Variants in GRSF1 observed in about 807,000 individuals in gnomAD.
GRSF1 encodes G-rich sequence factor 1.
A neutral mutation model predicts 51.1 loss-of-function variants in GRSF1; 50 were observed. That is an observed-to-expected ratio of 0.98 (90% CI 0.78 to 1.24). GRSF1 has a LOEUF of 1.24. Among genes scored for constraint, GRSF1 ranks in the 50% most tolerant of loss-of-function variants. The pLI, the probability that GRSF1 is intolerant of heterozygous loss-of-function variation, is 0.00. For synonymous variants in GRSF1, 293 were observed against 253.3 expected (o/e 1.16, Z -1.49); for missense variants, 700 against 639.7 (o/e 1.09, Z -1.02).
chr4:70,820,973 G>A (rs1451131086), intron 9 of GRSF1, 112 bp from the exon 10 acceptor site: 4 of 152,230 alleles, frequency 2.6e-5, no homozygotes, highest in Non-Finnish European at 4.4e-5. Flanking sequence ...CTAATTTAGT[G>A]CAAGCTATCT....
At chr4:70,835,158 T>C (rs969574437) in intron 2 of GRSF1, among the ~76,000 whole-genome samples, 14 of 151,210 alleles carry the variant, frequency 9.3e-5, no homozygotes, top group African/African-American at 3.4e-4. Flanking sequence ...TATTCCATCA[T>C]ACCAGCCGGG....
rs184157042 is a variant in GRSF1 at position 70,831,378 on chromosome 4, C to T, written c.950+161G>A. Among the ~76,000 whole-genome samples, 62 of 151,598 alleles carry T rather than the reference C, an allele frequency of 4.1e-4. 1 individual carries two copies. The highest frequency in any genetic ancestry group is 2.7e-3 in the Admixed American group (41 of 15,176). On this transcript the variant is annotated intron_variant, in intron 5 of 9. Transcript: ENST00000254799. ...CTCAAAAAAAAAAAAAAGGAGCAGTCGAAAAAAAATTGTTAATCTAAATTA... is the reference window on the plus strand; with the variant it reads ...CTCAAAAAAAAAAAAAAGGAGCAGTTGAAAAAAAATTGTTAATCTAAATTA...
intron 6 of GRSF1, 82 bp from the exon 7 acceptor site, chr4:70,826,327 T>A: frequency 8.4e-7 from 1 of 1,187,754 alleles, no homozygotes; most frequent in African/African-American, 1.5e-5. Flanking sequence ...ATGACTTTTA[T>A]GTCCAAATCC....
rs58887177 is a variant in GRSF1 at position 70,823,481 on chromosome 4, C to CT, written c.*25+812dup. On this transcript the variant is annotated intron_variant, in intron 9 of 9. Coordinates refer to ENST00000254799, the MANE Select transcript of GRSF1 (RefSeq NM_002092.4). Reference sequence around the variant, plus strand: ...TAATTCTATTTCCCAGCAGAATTTTCTTTTTTTTTTTTTGCCCCCCACATC... The same window carrying CT: ...TAATTCTATTTCCCAGCAGAATTTTCTTTTTTTTTTTTTTGCCCCCCACATC... Among the ~76,000 whole-genome samples the CT allele has an allele frequency of 2.3e-3, 310 of 135,996 alleles. 1 individual carries two copies. Among genetic ancestry groups the CT allele is most frequent in the African/African-American group, 7.6e-3 (291 of 38,160 alleles). 89.2% of individuals were successfully genotyped at this position (135,996 alleles called of 152,430 possible).
chr4:70,834,902 C>A (rs994554151), intron 2 of GRSF1, among the ~76,000 whole-genome samples: 1 of 152,100 alleles, frequency 6.6e-6, no homozygotes, highest in East Asian at 2.0e-4. Flanking sequence ...GGATTACAGG[C>A]GTGAGCCACC....
In GRSF1 at chr4:70,839,485, G is replaced by C. The variant is rs1734371362; in HGVS notation, c.343C>G (p.Arg115Gly). 1 of 1,431,582 alleles carries C rather than the reference G, an allele frequency of 7.0e-7. No homozygotes were observed. The allele number at this position is 1,431,582 out of a possible 1,614,324, so 88.7% of individuals were successfully genotyped here. A position where few individuals can be genotyped will look rare whatever the true frequency, so the allele number is the denominator to read the frequency against. The part of the protein sequence containing the change: ...SLAAAAAVPT[R>G]SYSQESKTTY... ...CGCCCACGTACCTGGCTGTAGCTGC[G>C]CGTCGGGACGGCGGCCGCCGCCGCC... The change falls in exon 1 of 10, where the codon CGC becomes GGC. Residue 115 changes from arginine to glycine, a missense_variant. Transcript: ENST00000254799.
intron 8 of GRSF1, among the ~76,000 whole-genome samples, chr4:70,824,851 C>T (rs540508128): frequency 3.6e-4 from 55 of 152,104 alleles, no homozygotes; most frequent in Non-Finnish European, 5.6e-4. Context: ...GCCTGTAATC[C>T]CGGCACTTTG....
chr4:70,832,688 CTATAATCCCAGAACT>C (rs1215467366), intron 3 of GRSF1, among the ~76,000 whole-genome samples: 2 of 152,262 alleles, frequency 1.3e-5, no homozygotes, highest in Non-Finnish European at 2.9e-5. Context: ...TGGCTCACGC[CTATAATCCCAGAACT>C]TTGGGAGGCC....
rs1381749277 is a variant in GRSF1 at position 70,831,637 on chromosome 4, A to G, written c.852T>C (p.Tyr284=). 12 of 1,613,518 alleles carry G rather than the reference A, an allele frequency of 7.4e-6. No homozygotes were observed. The highest frequency in any genetic ancestry group is 1.0e-5 in the Non-Finnish European group (12 of 1,179,584). The change falls in exon 5 of 10, where the codon TAT becomes TAC. Residue 284 remains tyrosine, a synonymous_variant. Coordinates refer to ENST00000254799, the MANE Select transcript of GRSF1 (RefSeq NM_002092.4). ...NIVDITFVMD[Y]RGRRKTGEAY... ...CTTCCCCTGTTTTTCGCCTCCCTCT[A>G]TAGTCCATCACAAAAGTAATGTCAA...
chr4:70,837,793 G>A (rs1039623383), intron 1 of GRSF1, among the ~76,000 whole-genome samples: 7 of 149,680 alleles, frequency 4.7e-5, no homozygotes, highest in Non-Finnish European at 1.0e-4. Context: ...CCGCCACCCC[G>A]CCCGGCTAAT....
At chr4:70,836,029 G>A (rs1001111221) in intron 2 of GRSF1, 129 bp downstream of exon 2, 37 of 521,766 alleles carry the variant, frequency 7.1e-5, no homozygotes, top group African/African-American at 1.0e-4. Context: ...AGGTGACAGC[G>A]TAGTCTGACA....
chr4:70,832,759 C>T (rs910522029), intron 3 of GRSF1, among the ~76,000 whole-genome samples: 7 of 152,162 alleles, frequency 4.6e-5, no homozygotes, highest in Non-Finnish European at 1.0e-4. Context: ...ACCAGCCTGA[C>T]CAATATGGTA....
chr4:70,839,359 C>T (rs955703788), intron 1 of GRSF1, 112 bp downstream of exon 1: 11 of 1,505,094 alleles, frequency 7.3e-6, no homozygotes, highest in Non-Finnish European at 8.9e-6. Context: ...GCGAGTGTCG[C>T]GGATCCCCGG....
intron 1 of GRSF1, among the ~76,000 whole-genome samples, chr4:70,836,808 G>C (rs1734231076): frequency 6.6e-6 from 1 of 152,204 alleles, no homozygotes; most frequent in South Asian, 2.1e-4. Flanking sequence ...CTTGAAGGAA[G>C]GATAGAATTT....
rs991764947 is a variant in GRSF1, at chr4:70,816,480, T to G, written c.*4407A>C. The G allele has an allele frequency of 2.6e-5, 4 of 152,156 alleles. No individual in the cohort carries two copies. Among genetic ancestry groups the G allele is most frequent in the Non-Finnish European group, 2.9e-5 (2 of 68,054 alleles). The allele number at this position is 152,156 out of a possible 1,614,324, so 9.4% of individuals were successfully genotyped here. ...GGCTGATGCCTGTAATCCCAGCACT[T>G]TGGGAGGCCGAGGCAGGCAAATGAC... On this transcript the variant is annotated 3_prime_UTR_variant, in exon 10 of 10. Transcript: ENST00000254799.
chr4:70,833,798 C>T (rs926651928), intron 2 of GRSF1, among the ~76,000 whole-genome samples: 11 of 152,228 alleles, frequency 7.2e-5, no homozygotes, highest in Admixed American at 3.3e-4. Context: ...GGATTACAGG[C>T]ATCAGCCACC....
In GRSF1 at chr4:70,826,141, C is replaced by T. The variant is rs1372997088; in HGVS notation, c.1240G>A (p.Ala414Thr). ...CCACACACGTTTATAATGTCTTGGG[C>T]ATTGGCTTGGAAAGGTAATCCTCTC... ...HMRGLPFQAN[A>T]QDIINFFAPL... Residue 414 changes from alanine (A) to threonine (T), a missense_variant, in exon 7 of 10, where the codon GCC (alanine) becomes ACC (threonine). Coordinates refer to ENST00000254799, the MANE Select transcript of GRSF1 (RefSeq NM_002092.4). 1.2e-6 allele frequency: 2 copies of T among 1,611,130 alleles called. No individual in the cohort carries two copies. The highest frequency in any genetic ancestry group is 1.1e-5 in the South Asian group (1 of 90,686).
chr4:70,833,634 T>C (rs72851809), intron 2 of GRSF1, among the ~76,000 whole-genome samples: 1 of 152,206 alleles, frequency 6.6e-6, no homozygotes, highest in South Asian at 2.1e-4. Flanking sequence ...TAAAATCATC[T>C]CCATAGGTCT....
chr4:70,839,079 C>G, intron 1 of GRSF1: 11 of 1,251,072 alleles, frequency 8.8e-6, no homozygotes, highest in Non-Finnish European at 1.1e-5. Flanking sequence ...ACGGAAACTC[C>G]CAACCCTCCG....
Sources: allele counts gnomAD v4.1 joint callset (sites outside exome capture counted in the v4.1 genomes callset), GRCh38; gene constraint gnomAD v4.1.1; transcripts MANE v1.5; gene names NCBI Gene and HGNC (gene_info 2026-07-23, HGNC 2026-07-21).